BCAS3: variants seen among roughly 807,000 people sequenced by gnomAD.
The protein encoded by BCAS3 is BCAS4/BCAS3 fusion.
A neutral mutation model predicts 116.1 loss-of-function variants in BCAS3; 53 were observed. The ratio of observed to expected loss-of-function variants is 0.46; its 90% confidence interval spans 0.37 to 0.57. BCAS3 has a LOEUF of 0.57. Among genes scored for constraint, BCAS3 ranks in the 20% least tolerant of loss-of-function variants. BCAS3 has a pLI of 0.00. For missense variants in BCAS3, 917 were observed against 1,165.4 expected, an observed-to-expected ratio of 0.79 and a Z score of 3.10; for synonymous variants, 391 against 408.2, an observed-to-expected ratio of 0.96 and a Z score of 0.51.
chr17:60,744,468 G>A (rs549693474), intron 5 of BCAS3, among the ~76,000 whole-genome samples: 29 of 152,194 alleles, frequency 1.9e-4, no homozygotes, highest in African/African-American at 6.3e-4. Context: ...TTTCTAAAAC[G>A]TATGGATCAT....
intron 8 of BCAS3, among the ~76,000 whole-genome samples, chr17:60,871,822 A>G (rs935649160): frequency 6.6e-6 from 1 of 150,834 alleles, no homozygotes; most frequent in Non-Finnish European, 1.5e-5. Flanking sequence ...ATTCATGTAT[A>G]TTTTCTTTTT....
chr17:60,787,966 A>C (rs1325057333), intron 6 of BCAS3, among the ~76,000 whole-genome samples: 1 of 151,796 alleles, frequency 6.6e-6, no homozygotes, highest in African/African-American at 2.4e-5. Flanking sequence ...GAATGGTTTC[A>C]CCATAGTAGA....
chr17:60,708,788 A>G (rs1440106255), intron 4 of BCAS3, among the ~76,000 whole-genome samples: 1 of 152,152 alleles, frequency 6.6e-6, no homozygotes, highest in Middle Eastern at 3.2e-3. Context: ...CCAGCCTCCC[A>G]AAGTGCTGGG....
At chr17:61,110,189 C>G (rs907201139) in intron 22 of BCAS3, among the ~76,000 whole-genome samples, 1 of 152,150 alleles carries the variant, frequency 6.6e-6, no homozygotes, top group Non-Finnish European at 1.5e-5. Flanking sequence ...ATCCTAGCAC[C>G]ATTTGTTGAA....
In BCAS3 at chr17:61,236,465, A is replaced by G. The variant is rs183552675; in HGVS notation, c.2426-131862A>G. On this transcript the variant is annotated intron_variant, in intron 22 of 23. Transcript: ENST00000407086. Reference sequence around the variant, plus strand: ...CTCCTGAATAGCTGGGACTATAGGCACCCGCCACCATGCCTGGCTAATTTT... The same window carrying G: ...CTCCTGAATAGCTGGGACTATAGGCGCCCGCCACCATGCCTGGCTAATTTT... 3.9e-5 allele frequency among the ~76,000 whole-genome samples: 6 copies of G among 152,048 alleles called. No individual in the cohort carries two copies. The East Asian group carries it at 1.2e-3, about 29-fold the overall frequency.
intron 22 of BCAS3, chr17:61,086,633 G>C: frequency 1.0e-6 from 1 of 971,342 alleles, no homozygotes; most frequent in Non-Finnish European, 1.2e-6. Flanking sequence ...CTCTCTGCCT[G>C]AAAGTACCCA....
chr17:60,719,316 T>C (rs2038988122), intron 5 of BCAS3, among the ~76,000 whole-genome samples: 1 of 152,202 alleles, frequency 6.6e-6, no homozygotes, highest in Non-Finnish European at 1.5e-5. Flanking sequence ...TCAAAACCTA[T>C]AGTATTCGCC....
intron 22 of BCAS3, among the ~76,000 whole-genome samples, chr17:61,273,992 G>A (rs919995473): frequency 6.7e-5 from 10 of 148,700 alleles, no homozygotes; most frequent in African/African-American, 2.5e-4. Flanking sequence ...AAGTTTTAGG[G>A]TACATGTGCA....
chr17:60,768,952 A>G (rs2044378859), intron 6 of BCAS3, among the ~76,000 whole-genome samples: 1 of 152,142 alleles, frequency 6.6e-6, no homozygotes. Flanking sequence ...CTGGAACCCA[A>G]GTGATTTATG....
intron 7 of BCAS3, chr17:60,810,841 GC>G: frequency 1.4e-6 from 1 of 699,408 alleles, no homozygotes; most frequent in Non-Finnish European, 2.6e-6. Flanking sequence ...AGTCCTACAA[GC>G]CCAGACTGCC....
At chr17:60,880,893 G>A (rs978083397) in intron 9 of BCAS3, among the ~76,000 whole-genome samples, 2 of 152,062 alleles carry the variant, frequency 1.3e-5, no homozygotes, top group Admixed American at 6.5e-5. Flanking sequence ...TCACTTATCA[G>A]ATATATCTTT....
chr17:60,686,287 A>T (rs1293837400), intron 3 of BCAS3, among the ~76,000 whole-genome samples: 1 of 152,124 alleles, frequency 6.6e-6, no homozygotes, highest in South Asian at 2.1e-4. Context: ...TTAAAAAATA[A>T]TGTTTTCTGC....
intron 22 of BCAS3, among the ~76,000 whole-genome samples, chr17:61,240,265 C>T (rs1156966172): frequency 1.3e-5 from 2 of 152,158 alleles, no homozygotes; most frequent in African/African-American, 4.8e-5. Context: ...CAAAAACAGC[C>T]TAAGAGAAGA....
In BCAS3 at chr17:61,235,533, C is replaced by G. The variant is rs73326893; in HGVS notation, c.2426-132794C>G. Among the ~76,000 whole-genome samples, 24 of 152,172 alleles carry G rather than the reference C, an allele frequency of 1.6e-4. 1 individual carries two copies. Among genetic ancestry groups the G allele is most frequent in the South Asian group, 1.5e-3 (7 of 4,824 alleles). ...TTCCAAACAGATTGTGAGGTGACTA[C>G]GTAGTACAGAAGTACAGTGAAATAT... On this transcript the variant is annotated intron_variant, in intron 22 of 23. Transcript: ENST00000407086. The surrounding 1 kb of genome is among the most constrained non-coding windows in gnomAD (Gnocchi z 5.0).
intron 22 of BCAS3, among the ~76,000 whole-genome samples, chr17:61,102,865 G>A (rs932835443): frequency 2.0e-4 from 30 of 152,138 alleles, no homozygotes; most frequent in East Asian, 1.2e-3. Context: ...CCTTCTTTCC[G>A]TAAAATATTT....
At chr17:60,812,392 C>A (rs1001068467) in intron 7 of BCAS3, among the ~76,000 whole-genome samples, 25 of 152,048 alleles carry the variant, frequency 1.6e-4, no homozygotes, top group African/African-American at 5.8e-4. Flanking sequence ...GAGAGGGACA[C>A]AATTTGTAGA....
chr17:61,153,622 C>T (rs1427151128), intron 22 of BCAS3, among the ~76,000 whole-genome samples: 2 of 152,154 alleles, frequency 1.3e-5, no homozygotes, highest in African/African-American at 4.8e-5. Flanking sequence ...ATCTGCTTTA[C>T]CATAATCCAA....
intron 19 of BCAS3, among the ~76,000 whole-genome samples, chr17:61,050,894 A>C (rs2068798635): frequency 6.6e-6 from 1 of 152,044 alleles, no homozygotes; most frequent in African/African-American, 2.4e-5. Context: ...AACAAATCCC[A>C]GTAAATTTAA....
At chr17:60,747,386 T>G (rs1276325246) in intron 6 of BCAS3, 107 bp downstream of exon 6, 1 of 871,974 alleles carries the variant, frequency 1.1e-6, no homozygotes. Flanking sequence ...TTCCTCCAAG[T>G]GTCCATTCCC....
Sources: gnomAD v4.1 joint callset for allele counts (sites outside exome capture counted in the v4.1 genomes callset) on GRCh38, gnomAD v4.1.1 for gene constraint, Gnocchi (gnomAD v3.1) non-coding constraint, MANE v1.5 for transcripts, NCBI Gene and HGNC (gene_info 2026-07-23, HGNC 2026-07-21) for gene names.